The following ANKS1B variants were observed in gnomAD, a reference collection of about 807,000 sequenced individuals.
ANKS1B encodes ankyrin repeat and sterile alpha motif domain-containing protein 1B.
Under a neutral mutation model 148.3 loss-of-function variants are expected in ANKS1B, and 36 were observed. The observed-to-expected ratio is 0.24, with a 90% CI of 0.19 to 0.32. The LOEUF (loss-of-function observed/expected upper bound fraction) is 0.32. ANKS1B is among the 10% of genes least tolerant of loss of function. The pLI, the probability that ANKS1B is intolerant of heterozygous loss-of-function variation, is 1.00. For synonymous variants in ANKS1B, 542 were observed against 560.8 expected (o/e 0.97, Z 0.47); for missense variants, 1,157 against 1,542.6 (o/e 0.75, Z 4.19).
chr12:99,871,235 TTTCTGGG>T (rs2091471778), intron 1 of ANKS1B, among the ~76,000 whole-genome samples: 1 of 152,184 alleles, frequency 6.6e-6, no homozygotes, highest in Non-Finnish European at 1.5e-5. Flanking sequence ...TGTGGCTTCA[TTTCTGGG>T]TTCTCTATTC....
rs1176983408 is a variant in ANKS1B, at chr12:99,504,622, C to T, written c.1292G>A (p.Arg431Lys). The part of the protein sequence containing the change: ...MLAQESYPKK[R>K]NYTMEIVPSA... ...TGGTACAATTTCCATAGTGTAATTT[C>T]TCTTCTTTGGATAGGACTCCTGAAA... Residue 431 changes from arginine to lysine, a missense_variant, in exon 10 of 27, where the codon AGA becomes AAA. By Grantham distance (26) the Arg-to-Lys change is conservative. This residue lies in a region of ANKS1B where 661 missense variants were observed against 642.1 expected (regional missense o/e 1.03). Transcript: ENST00000683438. 1.3e-6 allele frequency: 2 copies of T among 1,595,516 alleles called. No homozygotes were observed. Among genetic ancestry groups the T allele is most frequent in the Non-Finnish European group, 1.7e-6 (2 of 1,170,732 alleles).
At chr12:99,827,759 G>A (rs2083394456) in intron 1 of ANKS1B, among the ~76,000 whole-genome samples, 2 of 152,150 alleles carry the variant, frequency 1.3e-5, no homozygotes, top group Admixed American at 1.3e-4. Context: ...TGACAAGGAT[G>A]TAGATCAACC....
At chr12:98,807,977 G>A in intron 19 of ANKS1B, 59 bp from the exon 20 acceptor site, 1 of 1,333,252 alleles carries the variant, frequency 7.5e-7, no homozygotes. Flanking sequence ...CAGCTACCAA[G>A]GTAGCATCCA....
At chr12:99,766,531 A>T (rs1471225531) in intron 8 of ANKS1B, among the ~76,000 whole-genome samples, 1 of 152,042 alleles carries the variant, frequency 6.6e-6, no homozygotes, top group Non-Finnish European at 1.5e-5. Flanking sequence ...CGTGTGGTTA[A>T]TGGTATTGTT....
At chr12:99,025,769 G>T (rs1390081852) in intron 17 of ANKS1B, among the ~76,000 whole-genome samples, 1 of 152,194 alleles carries the variant, frequency 6.6e-6, no homozygotes, top group Admixed American at 6.5e-5. Context: ...TCATCCTGAA[G>T]TTGCACATAC....
intron 14 of ANKS1B, among the ~76,000 whole-genome samples, chr12:99,184,710 T>G (rs537908509): frequency 4.1e-4 from 62 of 152,338 alleles, no homozygotes; most frequent in Non-Finnish European, 6.5e-4. Flanking sequence ...CAATGTATCC[T>G]CAATGAACAT....
At chr12:99,374,413 A>G (rs999584173) in intron 12 of ANKS1B, among the ~76,000 whole-genome samples, 4 of 152,168 alleles carry the variant, frequency 2.6e-5, no homozygotes, top group African/African-American at 9.7e-5. Flanking sequence ...ACAGGGTCCC[A>G]GGCTGAGTGA....
chr12:99,056,642 C>G (rs946077222), intron 16 of ANKS1B, among the ~76,000 whole-genome samples: 1 of 152,200 alleles, frequency 6.6e-6, no homozygotes, highest in South Asian at 2.1e-4. Flanking sequence ...TAATCTCCCA[C>G]TCCTCTGCTA....
rs1404460404 is a variant in ANKS1B at position 99,781,922 on chromosome 12, G to C, written c.745+100C>G. 7.1e-6 allele frequency: 7 copies of C among 988,468 alleles called. No homozygotes were observed. In the Admixed American group the frequency reaches 1.8e-4, roughly 25 times the overall value. 61.2% of individuals were successfully genotyped at this position (988,468 alleles called of 1,614,324 possible). On this transcript the variant is annotated intron_variant, in intron 5 of 26. Coordinates refer to ENST00000683438, the MANE Select transcript of ANKS1B (RefSeq NM_001352186.2). ...TCTGCATTTTAGAGTAAAGGCAAGA[G>C]GGTGATTTGTGAAGAAAACTGTGTC...
chr12:99,033,526 T>C (rs957518293), intron 17 of ANKS1B, among the ~76,000 whole-genome samples: 7 of 152,066 alleles, frequency 4.6e-5, no homozygotes. Flanking sequence ...TAGCCAGGCA[T>C]GGTGAAGCAT....
At chr12:99,408,942 T>C (rs1290975240) in intron 11 of ANKS1B, among the ~76,000 whole-genome samples, 1 of 112,000 alleles carries the variant, frequency 8.9e-6, no homozygotes, top group Non-Finnish European at 2.0e-5. Context: ...AAAATGGAGA[T>C]TTTGGAGGTT....
At chr12:99,806,065 T>C (rs926695732) in intron 4 of ANKS1B, among the ~76,000 whole-genome samples, 1 of 152,240 alleles carries the variant, frequency 6.6e-6, no homozygotes, top group Non-Finnish European at 1.5e-5. Flanking sequence ...GTGAATTTTG[T>C]TCCATTCATT....
Position 98,962,283 on chromosome 12 carries a change from T to C in ANKS1B, c.2778+90874A>G, listed in dbSNP as rs181266288. 4.0e-5 allele frequency among the ~76,000 whole-genome samples: 6 copies of C among 151,664 alleles called. No homozygotes were observed. The East Asian group carries it at 5.8e-4, about 15-fold the overall frequency. ...AACTGAAAAAGAGCAAGAATAGCTA[T>C]ACATATATCAGACAAAATAGATTTC... On this transcript the variant is annotated intron_variant, in intron 17 of 26. Transcript: ENST00000683438.
intron 15 of ANKS1B, among the ~76,000 whole-genome samples, chr12:99,138,961 T>G (rs2069120262): frequency 6.6e-6 from 1 of 151,778 alleles, no homozygotes. Flanking sequence ...CTCTCTCTTT[T>G]TTCTTTTTCT....
Position 98,994,805 on chromosome 12 carries a change from C to T in ANKS1B, c.2778+58352G>A, listed in dbSNP as rs1441514052. ...TCCTCTTTCTTATAAGGACACCAGT[C>T]GTGTTGGATTAGGGCCTACCCTAAT... On this transcript the variant is annotated intron_variant, in intron 17 of 26. Transcript: ENST00000683438. 2.6e-5 allele frequency among the ~76,000 whole-genome samples: 4 copies of T among 152,194 alleles called. No homozygotes were observed. In the East Asian group the frequency reaches 5.8e-4, roughly 22 times the overall value.
intron 8 of ANKS1B, among the ~76,000 whole-genome samples, chr12:99,677,125 T>A (rs2098579253): frequency 1.3e-5 from 2 of 152,240 alleles, no homozygotes; most frequent in African/African-American, 4.8e-5. Context: ...TTCAAAGGGC[T>A]TATAAAAGTG....
intron 9 of ANKS1B, among the ~76,000 whole-genome samples, chr12:99,618,889 A>G (rs1012790914): frequency 8.5e-5 from 13 of 152,138 alleles, no homozygotes; most frequent in Admixed American, 3.9e-4. Flanking sequence ...CTGCTCTGGA[A>G]CAGGCTAGGA....
chr12:98,755,452 ACG>A (rs2098215027), intron 25 of ANKS1B, among the ~76,000 whole-genome samples: 1 of 152,188 alleles, frequency 6.6e-6, no homozygotes. Context: ...GGGGAGGCCA[ACG>A]CCTGGTACTG....
At chr12:99,847,883 G>A (rs1047195475) in intron 1 of ANKS1B, among the ~76,000 whole-genome samples, 1 of 152,060 alleles carries the variant, frequency 6.6e-6, no homozygotes, top group Non-Finnish European at 1.5e-5. Flanking sequence ...CTTTCCCTTT[G>A]CTTGACCTAC....
Sources: gnomAD v4.1 joint callset for allele counts (sites outside exome capture counted in the v4.1 genomes callset) on GRCh38, gnomAD v4.1.1 for gene constraint, gnomAD v4.1.1 regional missense constraint, MANE v1.5 for transcripts, NCBI Gene and HGNC (gene_info 2026-07-23, HGNC 2026-07-21) for gene names.